Variants in THUMPD2 observed in about 807,000 individuals in gnomAD.
The protein encoded by THUMPD2 is U6 snRNA (guanine-N(2))-methyltransferase THUMPD2.
THUMPD2 carries 56 observed loss-of-function variants against 49.4 expected under a neutral mutation model. The observed-to-expected ratio is 1.13, with a 90% CI of 0.91 to 1.41. THUMPD2 has a LOEUF of 1.41. Among genes scored for constraint, THUMPD2 ranks in the 40% most tolerant of loss-of-function variants. THUMPD2 has a pLI of 0.00. For synonymous variants in THUMPD2, 237 were observed against 205.2 expected (o/e 1.15, Z -1.32); for missense variants, 709 against 594.5 (o/e 1.19, Z -2.00).
At chr2:39,761,853 A>G (rs1412683919) in intron 5 of THUMPD2, among the ~76,000 whole-genome samples, 1 of 152,158 alleles carries the variant, frequency 6.6e-6, no homozygotes, top group Non-Finnish European at 1.5e-5. Flanking sequence ...TTTTCTATAA[A>G]AAGTCCCTTT....
chr2:39,758,350 C>T (rs1676397302), intron 6 of THUMPD2, among the ~76,000 whole-genome samples: 1 of 152,188 alleles, frequency 6.6e-6, no homozygotes, highest in East Asian at 1.9e-4. Context: ...GCTCCCTCCT[C>T]CACTCTCAAC....
chr2:39,768,466 T>C lies in THUMPD2; in HGVS notation c.708A>G (p.Lys236=). The part of the protein sequence containing the change: ...VGKVIGIAIM[K]HFGWKADLRN... ...TCAAGTCTGCTTTCCATCCAAAGTG[T>C]TTCATAATAGCAATTCCAATTACTT... Residue 236 remains lysine (K), a synonymous_variant, in exon 4 of 10, where the codon AAA becomes AAG. Transcript: ENST00000505747. 6.2e-7 allele frequency: 1 copy of C among 1,613,124 alleles called. No homozygotes were observed. The highest frequency in any genetic ancestry group is 2.2e-5 in the East Asian group (1 of 44,792).
intron 5 of THUMPD2, among the ~76,000 whole-genome samples, chr2:39,763,998 T>C (rs990662199): frequency 1.3e-5 from 2 of 152,266 alleles, no homozygotes; most frequent in African/African-American, 4.8e-5. Flanking sequence ...CAAGCTTCCT[T>C]ATACCTTGTG....
At chr2:39,737,662 G>A (rs1673281633) in intron 9 of THUMPD2, among the ~76,000 whole-genome samples, 1 of 152,192 alleles carries the variant, frequency 6.6e-6, no homozygotes, top group Admixed American at 6.5e-5. Context: ...TATAATCAAG[G>A]CAAGCATGAG....
At chr2:39,758,273 C>G (rs1242901519) in intron 6 of THUMPD2, among the ~76,000 whole-genome samples, 1 of 152,084 alleles carries the variant, frequency 6.6e-6, no homozygotes. Context: ...AAAATCTGAA[C>G]TAAACATTTA....
chr2:39,740,485 T>G (rs1186478023), intron 9 of THUMPD2, among the ~76,000 whole-genome samples: 4 of 152,230 alleles, frequency 2.6e-5, no homozygotes, highest in Non-Finnish European at 5.9e-5. Context: ...AGTCACCATT[T>G]ATTGTAATTT....
chr2:39,754,385 GA>G (rs1675825022), intron 8 of THUMPD2, among the ~76,000 whole-genome samples: 1 of 152,046 alleles, frequency 6.6e-6, no homozygotes, highest in Non-Finnish European at 1.5e-5. Context: ...CTTCTTTGGG[GA>G]TGCTTTATTA....
chr2:39,764,445 G>A (rs1463743342), intron 5 of THUMPD2, among the ~76,000 whole-genome samples: 2 of 152,204 alleles, frequency 1.3e-5, no homozygotes, highest in African/African-American at 4.8e-5. Flanking sequence ...ACTGTAGTAG[G>A]TGATGTGTAC....
chr2:39,759,806 C>A (rs1676579536), intron 6 of THUMPD2, among the ~76,000 whole-genome samples: 1 of 152,094 alleles, frequency 6.6e-6, no homozygotes, highest in African/African-American at 2.4e-5. Context: ...CTATACCCAG[C>A]CAAGATAGAG....
intron 1 of THUMPD2, among the ~76,000 whole-genome samples, chr2:39,773,946 T>C (rs577966406): frequency 3.3e-5 from 5 of 152,370 alleles, no homozygotes; most frequent in African/African-American, 1.2e-4. Flanking sequence ...GGTTTCATTA[T>C]GATATTGATA....
intron 1 of THUMPD2, among the ~76,000 whole-genome samples, chr2:39,777,960 C>A (rs978819778): frequency 1.3e-5 from 2 of 152,196 alleles, no homozygotes; most frequent in African/African-American, 2.4e-5. Context: ...CAAGCCAGCG[C>A]ACCCCTATGT....
chr2:39,764,271 C>T (rs1447753566), intron 5 of THUMPD2, among the ~76,000 whole-genome samples: 4 of 152,186 alleles, frequency 2.6e-5, no homozygotes, highest in Non-Finnish European at 4.4e-5. Flanking sequence ...AAGATTTTCA[C>T]GTGGGTTATC....
intron 8 of THUMPD2, among the ~76,000 whole-genome samples, chr2:39,753,837 G>C (rs1192155255): frequency 6.6e-6 from 1 of 152,106 alleles, no homozygotes; most frequent in Non-Finnish European, 1.5e-5. Flanking sequence ...ATTATAACTA[G>C]AGTTGCAACA....
chr2:39,769,271 C>G (rs1677975053), intron 3 of THUMPD2: 1 of 291,330 alleles, frequency 3.4e-6, no homozygotes, highest in Admixed American at 4.1e-5. Context: ...TCTTAAACAT[C>G]TGAGGAAAAA....
In THUMPD2 at chr2:39,748,100, A is replaced by T. The variant is rs1674851867; in HGVS notation, c.1079-3622T>A. ...CAATGTCTTCCTGCTGCCAGCTTTA[A>T]CAACTGTAATTCACCAAAAAATTCA... On this transcript the variant is annotated intron_variant, in intron 8 of 9. Coordinates refer to ENST00000505747, the MANE Select transcript of THUMPD2 (RefSeq NM_025264.5). 1.3e-5 allele frequency among the ~76,000 whole-genome samples: 2 copies of T among 152,206 alleles called. 1 individual carries two copies.
At position 39,755,286 on chromosome 2, in the gene THUMPD2, G is replaced by C. The variant is rs772911914; in HGVS notation, c.1078+9C>G. The C allele has an allele frequency of 5.8e-5, 87 of 1,487,742 alleles. No individual in the cohort carries two copies. Among genetic ancestry groups the C allele is most frequent in the Non-Finnish European group, 7.9e-5 (87 of 1,107,164 alleles). The allele number at this position is 1,487,742 out of a possible 1,614,324, so 92.2% of individuals were successfully genotyped here. A position where few individuals can be genotyped will look rare whatever the true frequency, so the allele number is the denominator to read the frequency against. On this transcript the variant is annotated intron_variant, in intron 8 of 9. Coordinates refer to ENST00000505747, the MANE Select transcript of THUMPD2 (RefSeq NM_025264.5). Reference sequence around the variant, plus strand: ...TTTTCTCAATTGTTTTGCATTTTTAGTATCTTACCTATAACAGAGATTTTA... The same window carrying C: ...TTTTCTCAATTGTTTTGCATTTTTACTATCTTACCTATAACAGAGATTTTA...
intron 8 of THUMPD2, among the ~76,000 whole-genome samples, chr2:39,753,284 C>A (rs1675658816): frequency 6.6e-6 from 1 of 152,148 alleles, no homozygotes; most frequent in Non-Finnish European, 1.5e-5. Context: ...AGTCACCAGG[C>A]CTCATTGTAC....
intron 5 of THUMPD2, among the ~76,000 whole-genome samples, chr2:39,761,653 T>C (rs1040267881): frequency 6.6e-6 from 1 of 152,154 alleles, no homozygotes; most frequent in Non-Finnish European, 1.5e-5. Flanking sequence ...CAACTGAAAT[T>C]TACACTCTCA....
intron 8 of THUMPD2, among the ~76,000 whole-genome samples, chr2:39,745,402 G>A (rs960836006): frequency 4.0e-5 from 6 of 151,836 alleles, no homozygotes; most frequent in East Asian, 1.9e-4. Flanking sequence ...TAGATTGTTC[G>A]AAAAAAAGAA....
Sources: allele counts gnomAD v4.1 joint callset (sites outside exome capture counted in the v4.1 genomes callset), GRCh38; gene constraint gnomAD v4.1.1; transcripts MANE v1.5; gene names NCBI Gene and HGNC (gene_info 2026-07-23, HGNC 2026-07-21).